LRRC7: variants seen among roughly 807,000 people sequenced by gnomAD.
The protein encoded by LRRC7 is leucine-rich repeat-containing protein 7.
Under a neutral mutation model 175.7 loss-of-function variants are expected in LRRC7, and 23 were observed. That is an observed-to-expected ratio of 0.13 (90% CI 0.09 to 0.19). The LOEUF is 0.19. Ranked by LOEUF, LRRC7 falls within the 10% of genes least tolerant of loss-of-function variation. The pLI is 1.00. For synonymous variants in LRRC7, 685 were observed against 680.9 expected, an observed-to-expected ratio of 1.01 and a Z score of -0.09; for missense variants, 1,354 against 1,904.7, an observed-to-expected ratio of 0.71 and a Z score of 5.38.
intron 1 of LRRC7, among the ~76,000 whole-genome samples, chr1:69,575,819 G>A (rs1645922551): frequency 6.6e-6 from 1 of 152,134 alleles, no homozygotes; most frequent in African/African-American, 2.4e-5. Context: ...AGGACTTTAA[G>A]TGCTGTTAGG....
At chr1:69,713,390 G>C (rs1403299135) in intron 2 of LRRC7, among the ~76,000 whole-genome samples, 2 of 152,072 alleles carry the variant, frequency 1.3e-5, no homozygotes, top group Non-Finnish European at 2.9e-5. Context: ...ATCTACTCTG[G>C]AGGCCGAGGT....
At chr1:69,878,958 A>G (rs565984562) in intron 7 of LRRC7, among the ~76,000 whole-genome samples, 1 of 149,354 alleles carries the variant, frequency 6.7e-6, no homozygotes, top group Non-Finnish European at 1.5e-5. Flanking sequence ...AATATATATT[A>G]TAATCCATCC....
intron 1 of LRRC7, among the ~76,000 whole-genome samples, chr1:69,615,227 T>G (rs1649428625): frequency 6.6e-6 from 1 of 152,080 alleles, no homozygotes; most frequent in Non-Finnish European, 1.5e-5. Flanking sequence ...TTTTAAGAAT[T>G]TTTTATTTCC....
Position 70,018,829 on chromosome 1 carries a change from A to G in LRRC7, c.1420+11A>G, listed in dbSNP as rs895138579. On this transcript the variant is annotated intron_variant, in intron 15 of 26. Transcript: ENST00000651989. ...CTCGTGGTGATGAAGGTAAATTGTC[A>G]GTAGAAATTTCTTCTCTACTTATAA... The G allele has an allele frequency of 9.4e-6, 15 of 1,593,654 alleles. No individual in the cohort carries two copies. The highest frequency in any genetic ancestry group is 1.2e-5 in the Non-Finnish European group (14 of 1,162,150).
chr1:69,840,900 G>C (rs932924753), intron 7 of LRRC7, among the ~76,000 whole-genome samples: 1 of 152,100 alleles, frequency 6.6e-6, no homozygotes, highest in Non-Finnish European at 1.5e-5. Flanking sequence ...CTTCCTAATT[G>C]TGTTTTTTGA....
chr1:69,693,485 A>G (rs1662164793), intron 2 of LRRC7, among the ~76,000 whole-genome samples: 1 of 152,186 alleles, frequency 6.6e-6, no homozygotes, highest in Non-Finnish European at 1.5e-5. Context: ...GGAGGAGTTG[A>G]CATTGCCATT....
rs1666580048 is a variant in LRRC7 at position 70,129,472 on chromosome 1, T to C, written c.*7585T>C. Among the ~76,000 whole-genome samples, 1 of 152,152 alleles carries C rather than the reference T, an allele frequency of 6.6e-6. No homozygotes were observed. Among genetic ancestry groups the C allele is most frequent in the Admixed American group, 6.6e-5 (1 of 15,266 alleles). ...GGTGTTCCTCAACTTGGTCCAGCAC[T>C]GAGTCTGTATGCCCCTGACGTTACG... On this transcript the variant is annotated 3_prime_UTR_variant, in exon 27 of 27. Transcript: ENST00000651989.
At chr1:69,787,981 T>TTTCCTCCTTCCTTCCTCCC (rs1674681986) in intron 3 of LRRC7, among the ~76,000 whole-genome samples, 1 of 151,924 alleles carries the variant, frequency 6.6e-6, no homozygotes, top group Admixed American at 6.6e-5. Context: ...TCCTTCCTTC[T>TTTCCTCCTTCCTTCCTCCC]TTCCTCCTTC....
chr1:69,854,479 G>A (rs559897619), intron 7 of LRRC7, among the ~76,000 whole-genome samples: 1 of 152,088 alleles, frequency 6.6e-6, no homozygotes, highest in Non-Finnish European at 1.5e-5. Context: ...CTCCAGCCTG[G>A]GCAACAGAGC....
In LRRC7 at chr1:70,038,987, C is replaced by A. The variant is rs145438020; in HGVS notation, c.3163C>A (p.Gln1055Lys). ...MLTYGSSKGP[Q>K]QQKASMTKKV... ...CACCTACGGAAGTAGTAAGGGGCCACAACAACAAAAAGCTTCTATGACAAA... is the reference window on the plus strand; with the variant it reads ...CACCTACGGAAGTAGTAAGGGGCCAAAACAACAAAAAGCTTCTATGACAAA... Residue 1055 changes from glutamine (Q) to lysine (K), a missense_variant, in exon 21 of 27, where the codon CAA (glutamine) becomes AAA (lysine). This residue lies in a region of LRRC7 where 1,032 missense variants were observed against 1,227.2 expected (regional missense o/e 0.84). Transcript: ENST00000651989. 1 of 1,613,882 alleles carries A rather than the reference C, an allele frequency of 6.2e-7. No individual in the cohort carries two copies. The highest frequency in any genetic ancestry group is 1.7e-5 in the Admixed American group (1 of 60,012).
intron 1 of LRRC7, among the ~76,000 whole-genome samples, chr1:69,610,135 T>G (rs186682728): frequency 6.6e-6 from 1 of 152,154 alleles, no homozygotes; most frequent in African/African-American, 2.4e-5. Context: ...CTATAATGGG[T>G]TCTTGTCTCT....
chr1:69,755,753 A>G (rs1670351305), intron 2 of LRRC7, among the ~76,000 whole-genome samples: 1 of 151,998 alleles, frequency 6.6e-6, no homozygotes, highest in African/African-American at 2.4e-5. Context: ...CTCTATATAC[A>G]TAGTAACATG....
intron 3 of LRRC7, among the ~76,000 whole-genome samples, chr1:69,781,142 T>C (rs1041119156): frequency 2.0e-5 from 3 of 152,170 alleles, no homozygotes; most frequent in African/African-American, 7.2e-5. Context: ...TTTGGCACTT[T>C]GCTAACCCAA....
intron 11 of LRRC7, among the ~76,000 whole-genome samples, chr1:70,004,489 CT>C (rs1167992328): frequency 6.6e-6 from 1 of 152,038 alleles, no homozygotes; most frequent in African/African-American, 2.4e-5. Context: ...GTACTAATTC[CT>C]TTGTGTGTGT....
At position 70,142,322 on chromosome 1, in the gene LRRC7, G is replaced by A. The variant is rs760351970; in HGVS notation, c.*20435G>A. 6.6e-6 allele frequency: 1 copy of A among 152,088 alleles called. No homozygotes were observed. Among genetic ancestry groups the A allele is most frequent in the Non-Finnish European group, 1.5e-5 (1 of 67,984 alleles). 9.4% of individuals were successfully genotyped at this position (152,088 alleles called of 1,614,324 possible). ...GGTTTTAGCTTTGATGACACCTAGC[G>A]TCAGTGGAATGCAATGAATGCTTAA... On this transcript the variant is annotated 3_prime_UTR_variant, in exon 27 of 27. Transcript: ENST00000651989.
chr1:69,716,935 T>C (rs1196508689), intron 2 of LRRC7, among the ~76,000 whole-genome samples: 1 of 151,730 alleles, frequency 6.6e-6, no homozygotes, highest in East Asian at 1.9e-4. Context: ...ATCTCGAAAA[T>C]TGTAATAAAA....
chr1:70,061,924 C>A (rs1202932080), intron 23 of LRRC7, among the ~76,000 whole-genome samples: 1 of 152,120 alleles, frequency 6.6e-6, no homozygotes, highest in Non-Finnish European at 1.5e-5. Flanking sequence ...TACAATCATG[C>A]CGGTCACCTG....
intron 2 of LRRC7, among the ~76,000 whole-genome samples, chr1:69,752,796 C>T (rs565482374): frequency 6.6e-6 from 1 of 152,232 alleles, no homozygotes; most frequent in South Asian, 2.1e-4. Flanking sequence ...GGAATCCATG[C>T]AGCATTGTGG....
At chr1:70,044,191 C>A in intron 22 of LRRC7, 97 bp downstream of exon 22, 2 of 1,271,290 alleles carry the variant, frequency 1.6e-6, no homozygotes, top group Non-Finnish European at 2.2e-6. Flanking sequence ...ACCCTGCTTA[C>A]TATAGGCTCC....
Sources: allele counts gnomAD v4.1 joint callset (sites outside exome capture counted in the v4.1 genomes callset), GRCh38; gene constraint gnomAD v4.1.1; regional missense constraint gnomAD v4.1.1; transcripts MANE v1.5; gene names NCBI Gene and HGNC (gene_info 2026-07-23, HGNC 2026-07-21).